DAB1: variants seen among roughly 807,000 people sequenced by gnomAD.
The protein encoded by DAB1 is disabled homolog 1.
DAB1 carries 15 observed loss-of-function variants against 64.6 expected under a neutral mutation model. The ratio of observed to expected loss-of-function variants is 0.23; its 90% confidence interval spans 0.16 to 0.36. DAB1 has a LOEUF of 0.36. DAB1 is among the 10% of genes least tolerant of loss of function. The pLI, the probability that DAB1 is intolerant of heterozygous loss-of-function variation, is 1.00. For synonymous variants in DAB1, 235 were observed against 251.9 expected, an observed-to-expected ratio of 0.93 and a Z score of 0.64; for missense variants, 596 against 706.7, an observed-to-expected ratio of 0.84 and a Z score of 1.78.
intron 5 of DAB1, among the ~76,000 whole-genome samples, chr1:58,105,302 C>T (rs1278389921): frequency 6.6e-6 from 1 of 152,134 alleles, no homozygotes; most frequent in Non-Finnish European, 1.5e-5. Flanking sequence ...AAGCAAGACC[C>T]CATCTGTAAA....
chr1:58,209,102 T>C (rs1470570154), intron 4 of DAB1, among the ~76,000 whole-genome samples: 2 of 152,124 alleles, frequency 1.3e-5, no homozygotes, highest in East Asian at 3.9e-4. Flanking sequence ...CTGAACAGCT[T>C]AGACAAAAGT....
intron 5 of DAB1, among the ~76,000 whole-genome samples, chr1:57,916,195 C>T (rs1353505584): frequency 6.6e-6 from 1 of 152,182 alleles, no homozygotes; most frequent in Admixed American, 6.5e-5. Flanking sequence ...CACAGCCAAA[C>T]CACCACCTCA....
chr1:57,041,461 A>G (rs1045401085), intron 9 of DAB1, among the ~76,000 whole-genome samples: 6 of 152,188 alleles, frequency 3.9e-5, no homozygotes, highest in African/African-American at 1.4e-4. Flanking sequence ...CAGAGCATGT[A>G]CAAGTTCATT....
intron 6 of DAB1, among the ~76,000 whole-genome samples, chr1:57,747,371 C>A (rs376200126): frequency 1.3e-5 from 2 of 152,050 alleles, no homozygotes; most frequent in Non-Finnish European, 1.5e-5. Flanking sequence ...GTACTTAGGA[C>A]AAAGCTTTTG....
At chr1:58,233,765 C>T (rs566293787) in intron 4 of DAB1, among the ~76,000 whole-genome samples, 2 of 152,276 alleles carry the variant, frequency 1.3e-5, no homozygotes, top group African/African-American at 4.8e-5. Context: ...GAGCCACAGA[C>T]CATAAGAATT....
intron 3 of DAB1, among the ~76,000 whole-genome samples, chr1:58,365,435 T>C (rs1644207740): frequency 6.6e-6 from 1 of 152,194 alleles, no homozygotes. Flanking sequence ...AGAGCCACTT[T>C]AACAAAATTA....
chr1:58,520,388 C>A (rs770217107), intron 2 of DAB1, among the ~76,000 whole-genome samples: 1 of 152,094 alleles, frequency 6.6e-6, no homozygotes, highest in Non-Finnish European at 1.5e-5. Flanking sequence ...AACTTCCTTG[C>A]CCAATTTGAA....
chr1:57,133,372 G>C (rs1260136512), intron 4 of DAB1, among the ~76,000 whole-genome samples: 2 of 152,172 alleles, frequency 1.3e-5, no homozygotes, highest in African/African-American at 4.8e-5. Context: ...GAGTTGAAAA[G>C]TCTGTTCTGA....
intron 9 of DAB1, among the ~76,000 whole-genome samples, chr1:57,052,971 T>C (rs545028147): frequency 2.6e-5 from 4 of 152,340 alleles, no homozygotes; most frequent in African/African-American, 9.6e-5. Flanking sequence ...TGGAGGCAAC[T>C]AACACATATC....
chr1:58,109,214 A>T (rs1347298979), intron 5 of DAB1, among the ~76,000 whole-genome samples: 2 of 152,200 alleles, frequency 1.3e-5, no homozygotes, highest in African/African-American at 4.8e-5. Flanking sequence ...GAAATAAATG[A>T]AAGGAATTTA....
intron 5 of DAB1, among the ~76,000 whole-genome samples, chr1:57,899,419 A>G (rs1380044312): frequency 6.6e-6 from 1 of 152,128 alleles, no homozygotes; most frequent in Non-Finnish European, 1.5e-5. Flanking sequence ...CTATTCAGGA[A>G]CTCTGTCTCT....
At chr1:57,262,536 T>C (rs924817212) in intron 2 of DAB1, among the ~76,000 whole-genome samples, 23 of 152,190 alleles carry the variant, frequency 1.5e-4, no homozygotes, top group African/African-American at 5.3e-4. Context: ...CCAAATAGGA[T>C]GTGGCATTGC....
chr1:57,039,550 C>T (rs115215455), intron 9 of DAB1, among the ~76,000 whole-genome samples: 5,953 of 152,214 alleles, frequency 0.039, 121 homozygotes, highest in South Asian at 0.063. Flanking sequence ...TACTCTTGGA[C>T]CTTCCCCCAG....
Position 57,285,940 on chromosome 1 carries a change from G to A in DAB1, c.67+5024C>T, listed in dbSNP as rs143133154. Among the ~76,000 whole-genome samples, 114 of 152,228 alleles carry A rather than the reference G, an allele frequency of 7.5e-4. 1 individual carries two copies. Among genetic ancestry groups the A allele is most frequent in the African/African-American group, 2.6e-3 (106 of 41,520 alleles). ...TTGTCCTCCTTTGATGGCAGGTAAC[G>A]AACCTAAAAATATACATTCTTTTCC... On this transcript the variant is annotated intron_variant, in intron 2 of 14. Coordinates refer to ENST00000371236, the MANE Select transcript of DAB1 (RefSeq NM_001365792.1).
chr1:57,462,181 TC>T (rs746873238), intron 7 of DAB1, among the ~76,000 whole-genome samples: 55 of 152,078 alleles, frequency 3.6e-4, no homozygotes, highest in Admixed American at 1.2e-3. Context: ...ACTCCTGACC[TC>T]AGGTGACCCA....
chr1:57,277,929 C>T (rs1671597330), intron 2 of DAB1, among the ~76,000 whole-genome samples: 1 of 152,188 alleles, frequency 6.6e-6, no homozygotes, highest in Non-Finnish European at 1.5e-5. Context: ...GTTCTCCCTA[C>T]AGCAGTATTG....
At chr1:57,686,893 T>C (rs1233711180) in intron 6 of DAB1, among the ~76,000 whole-genome samples, 1 of 152,134 alleles carries the variant, frequency 6.6e-6, no homozygotes, top group Admixed American at 6.6e-5. Context: ...CAAAGGAACA[T>C]ACCTCAAAAT....
At chr1:58,233,371 G>A (rs1427270557) in intron 4 of DAB1, among the ~76,000 whole-genome samples, 1 of 152,100 alleles carries the variant, frequency 6.6e-6, no homozygotes, top group Non-Finnish European at 1.5e-5. Flanking sequence ...TCTCCCAGAT[G>A]GTAAGTGAAG....
At chr1:58,374,560 C>A (rs1644304566) in intron 3 of DAB1, among the ~76,000 whole-genome samples, 4 of 148,032 alleles carry the variant, frequency 2.7e-5, no homozygotes, top group South Asian at 4.4e-4. Flanking sequence ...GGTACCAGTA[C>A]CATGCTGTTT....
Sources: gnomAD v4.1 joint callset for allele counts (sites outside exome capture counted in the v4.1 genomes callset) on GRCh38, gnomAD v4.1.1 for gene constraint, MANE v1.5 for transcripts, NCBI Gene and HGNC (gene_info 2026-07-23, HGNC 2026-07-21) for gene names.